The following EXOC4 variants were observed in gnomAD, a reference collection of about 807,000 sequenced individuals.
EXOC4 encodes the protein exocyst complex component 4.
Under a neutral mutation model 107.2 loss-of-function variants are expected in EXOC4, and 71 were observed. That is an observed-to-expected ratio of 0.66 (90% CI 0.55 to 0.81). The LOEUF (loss-of-function observed/expected upper bound fraction) is 0.81. EXOC4 is among the 30% of genes least tolerant of loss of function. The probability of loss-of-function intolerance (pLI) is 0.00; values close to 1 mark genes in which losing one functional copy is unlikely to be tolerated. For synonymous variants in EXOC4, 456 were observed against 441.2 expected (o/e 1.03, Z -0.42); for missense variants, 1,108 against 1,189.6 (o/e 0.93, Z 1.01).
At position 133,568,938 on chromosome 7, in the gene EXOC4, C is replaced by T. The variant is rs143852073; in HGVS notation, c.1418-61107C>T. 5.3e-5 allele frequency among the ~76,000 whole-genome samples: 8 copies of T among 152,194 alleles called. No homozygotes were observed. The East Asian group carries it at 1.2e-3, about 22-fold the overall frequency. On this transcript the variant is annotated intron_variant, in intron 9 of 17. Transcript: ENST00000253861. Reference sequence around the variant, plus strand: ...ATGTTGATGTACCGTGTGAATAGATCAACTGATATGATTCACGTTTGTTAA... The same window carrying T: ...ATGTTGATGTACCGTGTGAATAGATTAACTGATATGATTCACGTTTGTTAA...
At chr7:133,876,424 G>A (rs1389421553) in intron 11 of EXOC4, among the ~76,000 whole-genome samples, 2 of 152,038 alleles carry the variant, frequency 1.3e-5, no homozygotes, top group African/African-American at 2.4e-5. Flanking sequence ...TTTCTTAAAG[G>A]CCAAATGTCC....
At chr7:133,347,625 CAG>C (rs1795814948) in intron 5 of EXOC4, among the ~76,000 whole-genome samples, 1 of 152,092 alleles carries the variant, frequency 6.6e-6, no homozygotes, top group Non-Finnish European at 1.5e-5. Flanking sequence ...TCATGAGTCC[CAG>C]AGAGTTTTAG....
chr7:133,699,807 T>C (rs1794617993), intron 10 of EXOC4, among the ~76,000 whole-genome samples: 1 of 152,210 alleles, frequency 6.6e-6, no homozygotes, highest in African/African-American at 2.4e-5. Context: ...GTCTGAAACA[T>C]TGAACATTCA....
intron 7 of EXOC4, among the ~76,000 whole-genome samples, chr7:133,425,533 C>T (rs959055272): frequency 1.3e-5 from 2 of 152,096 alleles, no homozygotes; most frequent in South Asian, 2.1e-4. Context: ...GCAATCCACC[C>T]GCCTCAGCCT....
intron 2 of EXOC4, among the ~76,000 whole-genome samples, chr7:133,283,679 A>G (rs974004655): frequency 3.9e-5 from 6 of 152,174 alleles, no homozygotes; most frequent in Non-Finnish European, 8.8e-5. Flanking sequence ...AGTGCAGTGC[A>G]ATGAGTTTTG....
intron 9 of EXOC4, among the ~76,000 whole-genome samples, chr7:133,524,087 A>C (rs1310575754): frequency 1.4e-5 from 2 of 142,404 alleles, no homozygotes; most frequent in Admixed American, 1.4e-4. Flanking sequence ...CTATTTCTCC[A>C]CATCCTCTCC....
At chr7:133,498,114 T>C (rs1352973304) in intron 9 of EXOC4, among the ~76,000 whole-genome samples, 1 of 152,198 alleles carries the variant, frequency 6.6e-6, no homozygotes, top group Admixed American at 6.5e-5. Flanking sequence ...TGATTCCTCC[T>C]CCCTACCACT....
intron 10 of EXOC4, among the ~76,000 whole-genome samples, chr7:133,745,534 T>C (rs1795656886): frequency 6.6e-6 from 1 of 152,054 alleles, no homozygotes; most frequent in Non-Finnish European, 1.5e-5. Flanking sequence ...AAATTATGTC[T>C]GTAAGGTATG....
chr7:133,491,148 C>T (rs1190771005), intron 9 of EXOC4, among the ~76,000 whole-genome samples: 4 of 152,098 alleles, frequency 2.6e-5, no homozygotes, highest in African/African-American at 4.8e-5. Flanking sequence ...CTTTTGGCTT[C>T]TCCACAATTT....
chr7:133,465,083 G>T (rs536949687), intron 7 of EXOC4, among the ~76,000 whole-genome samples: 3 of 152,028 alleles, frequency 2.0e-5, no homozygotes, highest in Non-Finnish European at 4.4e-5. Flanking sequence ...GCCTCACAAA[G>T]TGTTAGGATT....
intron 10 of EXOC4, among the ~76,000 whole-genome samples, chr7:133,643,587 A>G (rs1802914059): frequency 6.6e-6 from 1 of 152,190 alleles, no homozygotes; most frequent in Non-Finnish European, 1.5e-5. Context: ...CTTAAAATAA[A>G]GACAATAATA....
intron 1 of EXOC4, among the ~76,000 whole-genome samples, chr7:133,267,427 G>A (rs1442160810): frequency 6.6e-6 from 1 of 152,190 alleles, no homozygotes; most frequent in Non-Finnish European, 1.5e-5. Flanking sequence ...TTCAGGGTCT[G>A]TTCTCTCTGG....
At chr7:133,779,911 T>C (rs1433698754) in intron 10 of EXOC4, among the ~76,000 whole-genome samples, 1 of 152,190 alleles carries the variant, frequency 6.6e-6, no homozygotes, top group Non-Finnish European at 1.5e-5. Context: ...GGAATGCTGC[T>C]TCTCACTCTT....
At chr7:133,955,372 C>G (rs554710209) in intron 14 of EXOC4, among the ~76,000 whole-genome samples, 1 of 152,194 alleles carries the variant, frequency 6.6e-6, no homozygotes, top group East Asian at 1.9e-4. Context: ...AGCTGGTTGT[C>G]CCGTCAAGTG....
intron 9 of EXOC4, among the ~76,000 whole-genome samples, chr7:133,487,233 A>G (rs1179632984): frequency 2.0e-5 from 3 of 152,222 alleles, no homozygotes; most frequent in Non-Finnish European, 2.9e-5. Context: ...CTCTTGAGAT[A>G]TGATACTTGG....
chr7:133,853,723 T>C (rs1798289690), intron 11 of EXOC4, among the ~76,000 whole-genome samples: 1 of 152,148 alleles, frequency 6.6e-6, no homozygotes, highest in Non-Finnish European at 1.5e-5. Context: ...CCAGTGTTTA[T>C]TGAGCCCTTC....
intron 9 of EXOC4, among the ~76,000 whole-genome samples, chr7:133,565,191 C>T (rs1365794116): frequency 1.3e-5 from 2 of 152,114 alleles, no homozygotes; most frequent in Non-Finnish European, 2.9e-5. Context: ...AAGGATTGGA[C>T]ATGTGTGGTG....
At chr7:133,583,880 G>C (rs1320431811) in intron 9 of EXOC4, among the ~76,000 whole-genome samples, 1 of 152,178 alleles carries the variant, frequency 6.6e-6, no homozygotes, top group Non-Finnish European at 1.5e-5. Flanking sequence ...GGTAAATTTG[G>C]TAAGCCAAGG....
intron 5 of EXOC4, among the ~76,000 whole-genome samples, chr7:133,338,770 T>C (rs113969385): frequency 0.37 from 40,877 of 111,254 alleles, 7,167 homozygotes; most frequent in African/African-American, 0.54. Flanking sequence ...TTTTTTTTTT[T>C]CAGACAGAGT....
Sources: allele counts gnomAD v4.1 joint callset (sites outside exome capture counted in the v4.1 genomes callset), GRCh38; gene constraint gnomAD v4.1.1; transcripts MANE v1.5; gene names NCBI Gene and HGNC (gene_info 2026-07-23, HGNC 2026-07-21).